Variants in FCN1 observed in about 807,000 individuals in gnomAD.
FCN1 encodes the protein ficolin-1.
Under a neutral mutation model 35.6 loss-of-function variants are expected in FCN1, and 42 were observed. The ratio of observed to expected loss-of-function variants is 1.18; its 90% confidence interval spans 0.92 to 1.53. The LOEUF is 1.53. FCN1 is among the 40% of genes most tolerant of loss of function. FCN1 has a pLI of 0.00. For synonymous variants in FCN1, 179 were observed against 169.8 expected (o/e 1.05, Z -0.42); for missense variants, 439 against 428.4 (o/e 1.02, Z -0.22).
At position 134,905,324 on chromosome 9, in the gene FCN1, T is replaced by C. The variant is rs191262124; in HGVS notation, c.*4474A>G. ...CTACACTCCTACTTGAGAGGTCCCA[T>C]GGCCAGGAAGAAGAGCACTGGCCCA... On this transcript the variant is annotated 3_prime_UTR_variant, in exon 9 of 9. Transcript: ENST00000371806. 2.3e-4 allele frequency among the ~76,000 whole-genome samples: 35 copies of C among 152,292 alleles called. No individual in the cohort carries two copies. Among genetic ancestry groups the C allele is most frequent in the African/African-American group, 7.9e-4 (33 of 41,566 alleles).
chr9:134,910,362 C>T (rs148247649), intron 8 of FCN1, among the ~76,000 whole-genome samples: 2 of 152,296 alleles, frequency 1.3e-5, no homozygotes, highest in African/African-American at 4.8e-5. Flanking sequence ...CTGCGCCGCT[C>T]CTTCCGGTCT....
Position 134,904,741 on chromosome 9 carries a change from C to A in FCN1, c.*5057G>T, listed in dbSNP as rs1447531435. On this transcript the variant is annotated 3_prime_UTR_variant, in exon 9 of 9. Transcript: ENST00000371806. The stretch of plus-strand genomic sequence containing the variant: ...GTTGCAGTGAGCTAAGGTCATACCG[C>A]TGCACTCCAGCCTGGGGGACAGAGT... Among the ~76,000 whole-genome samples, 2 of 152,090 alleles carry A rather than the reference C, an allele frequency of 1.3e-5. No individual in the cohort carries two copies. The highest frequency in any genetic ancestry group is 4.8e-5 in the African/African-American group (2 of 41,388).
chr9:134,917,016 T>C (rs1021101850), intron 1 of FCN1, among the ~76,000 whole-genome samples: 1 of 152,202 alleles, frequency 6.6e-6, no homozygotes, highest in Non-Finnish European at 1.5e-5. Flanking sequence ...CAAAGTTGTT[T>C]ACTTCTTTGA....
intron 3 of FCN1, 93 bp from the exon 4 acceptor site, chr9:134,914,513 A>T: frequency 7.9e-7 from 1 of 1,263,782 alleles, no homozygotes; most frequent in Non-Finnish European, 1.2e-6. Context: ...TGGACACTGC[A>T]TCTCCCCAGC....
Position 134,910,035 on chromosome 9 carries a change from T to C in FCN1, c.744A>G (p.Leu248=). 1.2e-6 allele frequency: 2 copies of C among 1,614,042 alleles called. No homozygotes were observed. Among genetic ancestry groups the C allele is most frequent in the Non-Finnish European group, 1.7e-6 (2 of 1,179,938 alleles). Residue 248 remains leucine (L), a synonymous_variant, in exon 9 of 9, where the codon CTA becomes CTG. Transcript: ENST00000371806. The part of the protein sequence containing the change: ...AFVGGSAGNS[L]TGHNNNFFST... ...AGAAGAAGTTGTTGTTGTGGCCCGT[T>C]AGAGAATTACCTGCTCACAGAAAAT... is the stretch of plus-strand genomic sequence containing the variant.
intron 8 of FCN1, 84 bp downstream of exon 8, chr9:134,911,049 C>T: frequency 7.0e-7 from 1 of 1,431,970 alleles, no homozygotes; most frequent in Non-Finnish European, 9.7e-7. Flanking sequence ...GAGAGGAGGG[C>T]CCAAGGTCAC....
intron 8 of FCN1, 74 bp downstream of exon 8, chr9:134,911,059 C>G: frequency 2.0e-6 from 3 of 1,522,684 alleles, no homozygotes; most frequent in Admixed American, 3.5e-5. Flanking sequence ...CCCAAGGTCA[C>G]CAGGGGAGAC....
At chr9:134,914,112 T>C (rs1169325798) in intron 4 of FCN1, among the ~76,000 whole-genome samples, 2 of 152,224 alleles carry the variant, frequency 1.3e-5, no homozygotes, top group Non-Finnish European at 2.9e-5. Flanking sequence ...TTTGCATAAA[T>C]GAGCATAAGT....
Position 134,917,752 on chromosome 9 carries a change from A to G in FCN1, c.103+17T>C. The G allele has an allele frequency of 6.4e-7, 1 of 1,573,936 alleles. No homozygotes were observed. Among genetic ancestry groups the G allele is most frequent in the Non-Finnish European group, 8.7e-7 (1 of 1,143,636 alleles). On this transcript the variant is annotated intron_variant, in intron 1 of 8. Transcript: ENST00000371806. Reference sequence around the variant, plus strand: ...GTTACCAGCTTTTAGGGACCAGAAAACCCAGGTCTGTCTCACCTGGACATG... The same window carrying G: ...GTTACCAGCTTTTAGGGACCAGAAAGCCCAGGTCTGTCTCACCTGGACATG...
chr9:134,915,685 C>T (rs1023664278), intron 2 of FCN1, among the ~76,000 whole-genome samples: 3 of 152,206 alleles, frequency 2.0e-5, no homozygotes, highest in African/African-American at 7.2e-5. Flanking sequence ...CCACCAAGTG[C>T]TCCGCAGGCA....
chr9:134,912,056 G>C (rs773766682), intron 7 of FCN1, among the ~76,000 whole-genome samples: 1 of 152,220 alleles, frequency 6.6e-6, no homozygotes, highest in South Asian at 2.1e-4. Context: ...CCAGAGGGTT[G>C]GGGGGAGGCC....
intron 1 of FCN1, 30 bp from the exon 2 acceptor site, chr9:134,916,491 GCCT>G: frequency 6.3e-7 from 1 of 1,598,452 alleles, no homozygotes; most frequent in Non-Finnish European, 8.6e-7. Flanking sequence ...CCCACTCAGT[GCCT>G]GGCCCAACAG....
At chr9:134,912,974 G>A (rs1299186428) in intron 6 of FCN1, 42 bp downstream of exon 6, 27 of 1,592,772 alleles carry the variant, frequency 1.7e-5, no homozygotes, top group Middle Eastern at 1.8e-4. Context: ...CCTGGCCTCC[G>A]GGACTCCCAG....
intron 5 of FCN1, 116 bp downstream of exon 5, chr9:134,913,465 G>T (rs943796110): frequency 2.6e-5 from 20 of 781,138 alleles, no homozygotes; most frequent in Non-Finnish European, 3.5e-5. Context: ...TGATTGAGGG[G>T]GGGATGATAG....
rs1831043179 is a variant in FCN1 at position 134,912,967 on chromosome 9, G to C, written c.468+49C>G. The C allele has an allele frequency of 1.9e-6, 3 of 1,588,902 alleles. No individual in the cohort carries two copies. In the South Asian group the frequency reaches 3.4e-5, roughly 18 times the overall value. On this transcript the variant is annotated intron_variant, in intron 6 of 8. Transcript: ENST00000371806. ...TGTTCTACAACCAGGTGTGCAGCCT[G>C]GCCTCCGGGACTCCCAGGCTGACCG...
At position 134,909,627 on chromosome 9, in the gene FCN1, C is replaced by G; in HGVS notation, c.*171G>C. 1 of 1,574,744 alleles carries G rather than the reference C, an allele frequency of 6.4e-7. No homozygotes were observed. The highest frequency in any genetic ancestry group is 1.3e-5 in the African/African-American group (1 of 74,506). On this transcript the variant is annotated 3_prime_UTR_variant, in exon 9 of 9. Transcript: ENST00000371806. ...AAACATATTTAGAAACATAATTCTC[C>G]CTCTGGTGAGGTTGTGGGCATGTGG...
chr9:134,911,125 A>ACACT lies in FCN1; in HGVS notation c.733+4_733+7dup, dbSNP rs1416270030. 6.2e-7 allele frequency: 1 copy of ACACT among 1,613,824 alleles called. No individual in the cohort carries two copies. Among genetic ancestry groups the ACACT allele is most frequent in the East Asian group, 2.2e-5 (1 of 44,878 alleles). On this transcript the variant is annotated splice_region_variant and intron_variant, in intron 8 of 8. Coordinates refer to ENST00000371806, the MANE Select transcript of FCN1 (RefSeq NM_002003.5). ...CACTCAGGCCACCAGCCCCAAGCAG[A>ACACT]CACTCACCCGCACTGCCCCCGACAA...
chr9:134,913,585 C>G lies in FCN1; in HGVS notation c.336G>C (p.Ala112=), dbSNP rs144427314. 1.9e-6 allele frequency: 3 copies of G among 1,606,204 alleles called. No homozygotes were observed. Among genetic ancestry groups the G allele is most frequent in the African/African-American group, 2.7e-5 (2 of 74,694 alleles). Residue 112 remains alanine, a synonymous_variant, in exon 5 of 9, where the codon GCG becomes GCC. Coordinates refer to ENST00000371806, the MANE Select transcript of FCN1 (RefSeq NM_002003.5). Reference sequence around the variant, plus strand: ...GGTCAGGGTGTGATCAGTCACCTGTCGCACACGACTGAGACTGCCCAGCGT... The same window carrying G: ...GGTCAGGGTGTGATCAGTCACCTGTGGCACACGACTGAGACTGCCCAGCGT... ...KGDAGQSQSC[A]TGPRNCKDLL...
At position 134,909,667 on chromosome 9, in the gene FCN1, TG is replaced by T; in HGVS notation, c.*130del. 6.3e-7 allele frequency: 1 copy of T among 1,595,282 alleles called. No homozygotes were observed. The highest frequency in any genetic ancestry group is 8.5e-7 in the Non-Finnish European group (1 of 1,177,782). ...TGGGCATGTGGCGGCTTGACTGAGCTGGGGGCAAAGGGGCAGCTGTGGGCGT... is the reference window on the plus strand; with the variant it reads ...TGGGCATGTGGCGGCTTGACTGAGCTGGGGCAAAGGGGCAGCTGTGGGCGT... On this transcript the variant is annotated 3_prime_UTR_variant, in exon 9 of 9. Transcript: ENST00000371806.
Sources: gnomAD v4.1 joint callset for allele counts (sites outside exome capture counted in the v4.1 genomes callset) on GRCh38, gnomAD v4.1.1 for gene constraint, MANE v1.5 for transcripts, NCBI Gene and HGNC (gene_info 2026-07-23, HGNC 2026-07-21) for gene names.